The following COL28A1 variants were observed in gnomAD, a reference collection of about 807,000 sequenced individuals.
COL28A1 encodes collagen alpha-1(XXVIII) chain.
A neutral mutation model predicts 150.2 loss-of-function variants in COL28A1; 161 were observed. That is an observed-to-expected ratio of 1.07 (90% CI 0.94 to 1.22). The LOEUF (loss-of-function observed/expected upper bound fraction) is 1.22, where lower values mean the gene tolerates loss of function less well. Among genes scored for constraint, COL28A1 ranks in the 50% most tolerant of loss-of-function variants. The pLI is 0.00. For missense variants in COL28A1, 1,617 were observed against 1,388.3 expected (o/e 1.16, Z -2.62); for synonymous variants, 552 against 469.7 (o/e 1.18, Z -2.26).
chr7:7,521,806 C>A (rs997908669), intron 5 of COL28A1, 99 bp downstream of exon 5: 9 of 761,718 alleles, frequency 1.2e-5, no homozygotes, highest in Admixed American at 5.6e-5. Context: ...CAAACAATTG[C>A]TTTTCAGCAG....
rs769983885 is a variant in COL28A1, at chr7:7,531,720, T to A, written c.309A>T (p.Gln103His). 1 of 1,606,322 alleles carries A rather than the reference T, an allele frequency of 6.2e-7. No homozygotes were observed. Reference sequence around the variant, plus strand: ...TCCAGGAAGAAAAAGGTGGATCAATTTGGACAGAGCTGCTAAACTGAAGGG... The same window carrying A: ...TCCAGGAAGAAAAAGGTGGATCAATATGGACAGAGCTGCTAAACTGAAGGG... Reference protein sequence around the residue: ...LAALQFSSSVQIDPPFSSWKD... With the variant: ...LAALQFSSSVHIDPPFSSWKD... Residue 103 changes from glutamine to histidine, a missense_variant, in exon 3 of 35, where the codon CAA (glutamine) becomes CAT (histidine). Physicochemically the swap from Gln to His is conservative, Grantham distance 24. Coordinates refer to ENST00000399429, the MANE Select transcript of COL28A1 (RefSeq NM_001037763.3).
intron 13 of COL28A1, among the ~76,000 whole-genome samples, chr7:7,481,013 C>T (rs1432431421): frequency 6.6e-6 from 1 of 152,182 alleles, no homozygotes; most frequent in Admixed American, 6.6e-5. Flanking sequence ...CAATAAATAT[C>T]TGCCATCATT....
chr7:7,484,167 C>T (rs1779500872), intron 13 of COL28A1, among the ~76,000 whole-genome samples: 1 of 151,642 alleles, frequency 6.6e-6, no homozygotes, highest in African/African-American at 2.4e-5. Context: ...AATTCCTCTA[C>T]AGGAAATCTA....
Position 7,470,794 on chromosome 7 carries a change from A to T in COL28A1, c.1302+3807T>A, listed in dbSNP as rs1788344534. ...TACTATGCAGCCATAAAAAATGATG[A>T]GTTCATATCCTTTGTAGGGACATGG... On this transcript the variant is annotated intron_variant, in intron 15 of 34. Transcript: ENST00000399429. Among the ~76,000 whole-genome samples the T allele has an allele frequency of 5.5e-5, 7 of 128,002 alleles. No individual in the cohort carries two copies. The South Asian group carries it at 1.8e-3, about 33-fold the overall frequency. 84.0% of individuals were successfully genotyped at this position (128,002 alleles called of 152,430 possible).
intron 11 of COL28A1, among the ~76,000 whole-genome samples, chr7:7,491,703 C>G (rs993364621): frequency 1.3e-5 from 2 of 152,230 alleles, no homozygotes; most frequent in African/African-American, 4.8e-5. Flanking sequence ...GATTACCTGG[C>G]CAGCCCAAAC....
At chr7:7,506,785 A>G (rs1780832341) in intron 10 of COL28A1, among the ~76,000 whole-genome samples, 2 of 152,194 alleles carry the variant, frequency 1.3e-5, no homozygotes, top group African/African-American at 4.8e-5. Context: ...TAGCAGTGCA[A>G]AAATAGTTAC....
intron 3 of COL28A1, among the ~76,000 whole-genome samples, chr7:7,528,560 T>C (rs934393617): frequency 6.6e-6 from 1 of 152,102 alleles, no homozygotes; most frequent in East Asian, 1.9e-4. Flanking sequence ...TATTCTACAA[T>C]AAAAGGGAGT....
At chr7:7,474,170 C>T (rs1788686359) in intron 15 of COL28A1, among the ~76,000 whole-genome samples, 1 of 151,036 alleles carries the variant, frequency 6.6e-6, no homozygotes, top group South Asian at 2.1e-4. Flanking sequence ...GACTATCATT[C>T]TAAGTGAAGT....
chr7:7,429,127 A>G (rs1368756028), intron 25 of COL28A1, among the ~76,000 whole-genome samples: 1 of 152,332 alleles, frequency 6.6e-6, no homozygotes, highest in East Asian at 1.9e-4. Context: ...TTGTTTTGTA[A>G]GTTAATGCCT....
chr7:7,504,298 A>T (rs568524483), intron 11 of COL28A1, among the ~76,000 whole-genome samples: 3 of 152,172 alleles, frequency 2.0e-5, no homozygotes, highest in Middle Eastern at 3.4e-3. Context: ...GGCATTCCAG[A>T]CTCAACTGGG....
chr7:7,458,788 G>C (rs774381804), intron 15 of COL28A1, among the ~76,000 whole-genome samples: 1 of 152,106 alleles, frequency 6.6e-6, no homozygotes, highest in Non-Finnish European at 1.5e-5. Flanking sequence ...ACTGTTAGAC[G>C]GCAGAGGTGA....
chr7:7,368,149 C>T (rs999292839), intron 33 of COL28A1, among the ~76,000 whole-genome samples: 1 of 152,072 alleles, frequency 6.6e-6, no homozygotes, highest in South Asian at 2.1e-4. Flanking sequence ...TTTCTGTGAA[C>T]CAAATATGAC....
chr7:7,529,091 C>G (rs1446034195), intron 3 of COL28A1, among the ~76,000 whole-genome samples: 1 of 151,834 alleles, frequency 6.6e-6, no homozygotes, highest in African/African-American at 2.4e-5. Flanking sequence ...CACCTGAGGT[C>G]AGGAGTTTGA....
At chr7:7,452,274 T>C (rs1786757574) in intron 18 of COL28A1, 45 bp downstream of exon 18, 1 of 1,584,716 alleles carries the variant, frequency 6.3e-7, no homozygotes, top group African/African-American at 1.4e-5. Context: ...CCTTATATAA[T>C]GTTACATAAA....
chr7:7,366,675 TAGAA>T (rs143905551), intron 33 of COL28A1, among the ~76,000 whole-genome samples: 2,132 of 152,172 alleles, frequency 0.014, 60 homozygotes, highest in African/African-American at 0.049. Context: ...CATATTTTGG[TAGAA>T]AGAAGAAGAG....
intron 27 of COL28A1, among the ~76,000 whole-genome samples, chr7:7,389,336 G>T (rs1173518345): frequency 2.6e-5 from 4 of 152,140 alleles, no homozygotes; most frequent in African/African-American, 9.7e-5. Context: ...TGAGGCTTCT[G>T]TTCTGTTCCA....
intron 14 of COL28A1, among the ~76,000 whole-genome samples, chr7:7,476,078 T>A (rs1201664020): frequency 6.6e-6 from 1 of 152,188 alleles, no homozygotes; most frequent in East Asian, 1.9e-4. Context: ...TGAAATGCAC[T>A]TTTAGAGCAT....
chr7:7,477,017 A>G, intron 14 of COL28A1, 95 bp downstream of exon 14: 1 of 735,976 alleles, frequency 1.4e-6, no homozygotes, highest in Non-Finnish European at 2.4e-6. Flanking sequence ...AAAAATAATT[A>G]ACTTCTAAAA....
At chr7:7,497,263 A>G (rs1450040667) in intron 11 of COL28A1, among the ~76,000 whole-genome samples, 1 of 152,250 alleles carries the variant, frequency 6.6e-6, no homozygotes, top group Admixed American at 6.5e-5. Flanking sequence ...AACTTGGTCT[A>G]CATTAGTATA....
Sources: gnomAD v4.1 joint callset for allele counts (sites outside exome capture counted in the v4.1 genomes callset) on GRCh38, gnomAD v4.1.1 for gene constraint, MANE v1.5 for transcripts, NCBI Gene and HGNC (gene_info 2026-07-23, HGNC 2026-07-21) for gene names.